The following CYB5D2 variants were observed in gnomAD, a reference collection of about 807,000 sequenced individuals.
The protein encoded by CYB5D2 is neuferricin.
CYB5D2 carries 23 observed loss-of-function variants against 22.8 expected under a neutral mutation model. The ratio of observed to expected loss-of-function variants is 1.01; its 90% CI spans 0.73 to 1.43. The LOEUF is 1.43. CYB5D2 is among the 40% of genes most tolerant of loss of function. The probability of loss-of-function intolerance (pLI) is 0.00; values close to 1 mark genes in which losing one functional copy is unlikely to be tolerated. For synonymous variants in CYB5D2, 170 were observed against 152.2 expected (o/e 1.12, Z -0.86); for missense variants, 373 against 357.2 (o/e 1.04, Z -0.36).
chr17:4,156,738 G>A, intron 3 of CYB5D2, 128 bp from the exon 4 acceptor site: 1 of 997,104 alleles, frequency 1.0e-6, no homozygotes, highest in Non-Finnish European at 1.5e-6. Flanking sequence ...GCTGTAGCCT[G>A]CTGCCTTGGG....
Position 4,156,980 on chromosome 17 carries a change from G to A in CYB5D2, c.693G>A (p.Pro231=), listed in dbSNP as rs780986190. Reference sequence around the variant, plus strand: ...CCGGCCCCCCTAGTGGCCAGATGCCGGACAACCCTCCACACAGAAATCGTG... The same window carrying A: ...CCGGCCCCCCTAGTGGCCAGATGCCAGACAACCCTCCACACAGAAATCGTG... ...RTTGPPSGQM[P]DNPPHRNRGD... Residue 231 remains proline, a synonymous_variant, in exon 4 of 4, where the codon CCG becomes CCA. Transcript: ENST00000301391. 38 of 1,612,710 alleles carry A rather than the reference G, an allele frequency of 2.4e-5. No individual in the cohort carries two copies. Among genetic ancestry groups the A allele is most frequent in the African/African-American group, 5.3e-5 (4 of 74,876 alleles).
At chr17:4,146,476 C>G (rs903382106) in intron 1 of CYB5D2, among the ~76,000 whole-genome samples, 1 of 151,760 alleles carries the variant, frequency 6.6e-6, no homozygotes, top group South Asian at 2.1e-4. Flanking sequence ...CTGCAAGCTC[C>G]GCCTCCTGAG....
At chr17:4,149,567 G>T (rs2059030556) in intron 1 of CYB5D2, among the ~76,000 whole-genome samples, 1 of 152,178 alleles carries the variant, frequency 6.6e-6, no homozygotes, top group South Asian at 2.1e-4. Context: ...CACTTTGGGA[G>T]GCCAAGGTGG....
chr17:4,156,834 A>G (rs762940047), intron 3 of CYB5D2, 32 bp from the exon 4 acceptor site: 1 of 1,610,350 alleles, frequency 6.2e-7, no homozygotes, highest in East Asian at 2.2e-5. Context: ...GAGTTCTCAC[A>G]TTTAAGAAGT....
chr17:4,154,219 G>A (rs552025518), intron 2 of CYB5D2, among the ~76,000 whole-genome samples: 6 of 152,348 alleles, frequency 3.9e-5, no homozygotes, highest in Admixed American at 3.9e-4. Flanking sequence ...GCTGAGGTGG[G>A]AGGATTGCTT....
chr17:4,154,976 C>A, intron 3 of CYB5D2, 116 bp downstream of exon 3: 1 of 1,081,040 alleles, frequency 9.3e-7, no homozygotes, highest in Non-Finnish European at 1.3e-6. Context: ...GGAGCTTTTT[C>A]AAAATACTGA....
chr17:4,152,928 C>T (rs930946411), intron 2 of CYB5D2, among the ~76,000 whole-genome samples: 1 of 152,148 alleles, frequency 6.6e-6, no homozygotes, highest in African/African-American at 2.4e-5. Flanking sequence ...CAGGCATGCA[C>T]CACCACGCCC....
Position 4,143,718 on chromosome 17 carries a change from G to T in CYB5D2, c.-38G>T, listed in dbSNP as rs200336885. 4.4e-6 allele frequency: 7 copies of T among 1,574,108 alleles called. No homozygotes were observed. Among genetic ancestry groups the T allele is most frequent in the African/African-American group, 1.4e-5 (1 of 73,898 alleles). On this transcript the variant is annotated 5_prime_UTR_variant, in exon 1 of 4. Transcript: ENST00000301391. ...GGCCATCTTAGCTGTAGATAGAGGC[G>T]GCAACCTCGGAAGTGCGGAGCGGGT...
At chr17:4,144,999 G>C (rs187875105) in intron 1 of CYB5D2, among the ~76,000 whole-genome samples, 46 of 152,134 alleles carry the variant, frequency 3.0e-4, no homozygotes, top group African/African-American at 1.0e-3. Flanking sequence ...TGTTAGCCAG[G>C]ATGGTCTCGA....
rs1334848268 is a variant in CYB5D2 at position 4,156,849 on chromosome 17, TTTCCGTC to T, written c.579-15_579-9del. On this transcript the variant is annotated splice_polypyrimidine_tract_variant and intron_variant, in intron 3 of 3. Coordinates refer to ENST00000301391, the MANE Select transcript of CYB5D2 (RefSeq NM_144611.4). ...GAGTTCTCACATTTAAGAAGTCCTC[TTTCCGTC>T]TATCCTTAGTGGAGGTGTGAGCAGA... The T allele has an allele frequency of 3.1e-6, 5 of 1,612,236 alleles. No individual in the cohort carries two copies. In the South Asian group the frequency reaches 5.5e-5, roughly 18 times the overall value.
In CYB5D2 at chr17:4,154,659, T is replaced by C; in HGVS notation, c.392-15T>C. The C allele has an allele frequency of 6.2e-7, 1 of 1,611,252 alleles. No homozygotes were observed. Among genetic ancestry groups the C allele is most frequent in the Non-Finnish European group, 8.5e-7 (1 of 1,178,324 alleles). ...GTATTCACTCTCACTCACATCTGCC[T>C]TCCTGTCATCACAGGGAGGGTGACA... On this transcript the variant is annotated splice_polypyrimidine_tract_variant and intron_variant, in intron 2 of 3. Coordinates refer to ENST00000301391, the MANE Select transcript of CYB5D2 (RefSeq NM_144611.4).
rs376255668 is a variant in CYB5D2 at position 4,144,012 on chromosome 17, G to C, written c.250+7G>C. On this transcript the variant is annotated splice_region_variant and intron_variant, in intron 1 of 3. Transcript: ENST00000301391. ...CACTATAGCGGCTTCGCAGGTATCA[G>C]CGAGGCTGCTCACGCCTTTCTCTCC... The C allele has an allele frequency of 4.4e-6, 7 of 1,587,936 alleles. No homozygotes were observed. Among genetic ancestry groups the C allele is most frequent in the Non-Finnish European group, 6.0e-6 (7 of 1,166,420 alleles).
Position 4,143,595 on chromosome 17 carries a change from C to T in CYB5D2, c.-161C>T, listed in dbSNP as rs1007540128. The T allele has an allele frequency of 1.0e-6, 1 of 1,001,262 alleles. No individual in the cohort carries two copies. The highest frequency in any genetic ancestry group is 1.4e-6 in the Non-Finnish European group (1 of 700,896). The allele number at this position is 1,001,262 out of a possible 1,614,324, so 62.0% of individuals were successfully genotyped here. On this transcript the variant is annotated 5_prime_UTR_variant, in exon 1 of 4. Coordinates refer to ENST00000301391, the MANE Select transcript of CYB5D2 (RefSeq NM_144611.4). ...GAGCTTTTCGCCAGTGCCAGGAATA[C>T]AGATAAAACGAGAGAGACTAAGGGA...
intron 1 of CYB5D2, among the ~76,000 whole-genome samples, chr17:4,148,346 GTC>G (rs1375000203): frequency 6.6e-6 from 1 of 151,778 alleles, no homozygotes; most frequent in Non-Finnish European, 1.5e-5. Flanking sequence ...GCAAAACCCC[GTC>G]TCTGCTAAAA....
chr17:4,148,354 T>TA (rs2142993471), intron 1 of CYB5D2, among the ~76,000 whole-genome samples: 1 of 151,960 alleles, frequency 6.6e-6, no homozygotes, highest in East Asian at 1.9e-4. Context: ...CCGTCTCTGC[T>TA]AAAAATACAA....
Position 4,143,613 on chromosome 17 carries a change from C to G in CYB5D2, c.-143C>G. The G allele has an allele frequency of 1.7e-6, 2 of 1,201,400 alleles. No individual in the cohort carries two copies. Among genetic ancestry groups the G allele is most frequent in the Non-Finnish European group, 2.3e-6 (2 of 858,678 alleles). 74.4% of individuals were successfully genotyped at this position (1,201,400 alleles called of 1,614,324 possible). On this transcript the variant is annotated 5_prime_UTR_variant, in exon 1 of 4. Transcript: ENST00000301391. ...AGGAATACAGATAAAACGAGAGAGA[C>G]TAAGGGAGGGAGCGCGAGCACTAGC...
intron 1 of CYB5D2, among the ~76,000 whole-genome samples, chr17:4,149,515 C>T (rs934564808): frequency 6.6e-6 from 1 of 152,190 alleles, no homozygotes; most frequent in Non-Finnish European, 1.5e-5. Flanking sequence ...TCTCAGAAAG[C>T]AGTTTCTGGC....
intron 2 of CYB5D2, among the ~76,000 whole-genome samples, chr17:4,153,079 T>C (rs1252380934): frequency 6.6e-6 from 1 of 152,144 alleles, no homozygotes; most frequent in Non-Finnish European, 1.5e-5. Context: ...CGCCTGGCGC[T>C]AAGCTGTTCT....
chr17:4,144,425 T>C (rs142442808), intron 1 of CYB5D2, among the ~76,000 whole-genome samples: 456 of 152,058 alleles, frequency 3.0e-3, no homozygotes, highest in Non-Finnish European at 5.2e-3. Context: ...CCAAATAATC[T>C]TTCTTCCCCC....
Sources: allele counts gnomAD v4.1 joint callset (sites outside exome capture counted in the v4.1 genomes callset), GRCh38; gene constraint gnomAD v4.1.1; transcripts MANE v1.5; gene names NCBI Gene and HGNC (gene_info 2026-07-23, HGNC 2026-07-21).